The following XRCC4 variants were observed in gnomAD, a reference collection of about 807,000 sequenced individuals.
The protein encoded by XRCC4 is X-ray repair cross complementing 4.
Under a neutral mutation model 39.1 loss-of-function variants are expected in XRCC4, and 28 were observed. The observed-to-expected ratio is 0.72, with a 90% CI of 0.53 to 0.98. XRCC4 has a LOEUF of 0.98. XRCC4 is among the 50% of genes least tolerant of loss of function. The probability of loss-of-function intolerance (pLI) is 0.00; values close to 1 mark genes in which losing one functional copy is unlikely to be tolerated. For synonymous variants in XRCC4, 123 were observed against 126.4 expected (o/e 0.97, Z 0.18); for missense variants, 350 against 376.4 (o/e 0.93, Z 0.58).
chr5:83,195,981 T>C lies in XRCC4; in HGVS notation c.482+45T>C, dbSNP rs777107926. On this transcript the variant is annotated intron_variant, in intron 4 of 7. Transcript: ENST00000396027. ...GTGGTATAAAAATACGGAGCCCTCT[T>C]TATGTTGTTATAGCTTTAAGTTAAT... 6.0e-6 allele frequency: 9 copies of C among 1,509,782 alleles called. No individual in the cohort carries two copies. The Admixed American group carries it at 1.0e-4, about 17-fold the overall frequency. 93.5% of individuals were successfully genotyped at this position (1,509,782 alleles called of 1,614,324 possible).
chr5:83,146,375 G>A lies in XRCC4; in HGVS notation c.315+35172G>A, dbSNP rs1427480541. On this transcript the variant is annotated intron_variant, in intron 3 of 7. Transcript: ENST00000396027. ...AAGTAATAAGCCCAGGTCATGCATT[G>A]GCAAATGGACAGTTTGTATGATCTC... is the stretch of plus-strand genomic sequence containing the variant. Among the ~76,000 whole-genome samples the A allele has an allele frequency of 2.0e-5, 3 of 152,124 alleles. No individual in the cohort carries two copies. In the East Asian group the frequency reaches 5.8e-4, roughly 29 times the overall value.
chr5:83,237,891 A>G (rs1323429304), intron 6 of XRCC4, among the ~76,000 whole-genome samples: 1 of 152,144 alleles, frequency 6.6e-6, no homozygotes, highest in East Asian at 1.9e-4. Context: ...ATAATTTTTA[A>G]ACTACCTATA....
chr5:83,222,883 G>A (rs545633999), intron 6 of XRCC4, among the ~76,000 whole-genome samples: 1 of 152,140 alleles, frequency 6.6e-6, no homozygotes, highest in Non-Finnish European at 1.5e-5. Flanking sequence ...AAGTAGCTGG[G>A]ACTATAGGTG....
At chr5:83,294,722 A>T (rs184497397) in intron 7 of XRCC4, among the ~76,000 whole-genome samples, 75 of 152,216 alleles carry the variant, frequency 4.9e-4, no homozygotes, top group Non-Finnish European at 9.1e-4. Context: ...TGTATCAAAA[A>T]TAAAACATAT....
At chr5:83,182,709 G>A (rs888925965) in intron 3 of XRCC4, among the ~76,000 whole-genome samples, 1 of 152,056 alleles carries the variant, frequency 6.6e-6, no homozygotes, top group Non-Finnish European at 1.5e-5. Context: ...GAGGTGATTC[G>A]GTACTGAGGG....
At chr5:83,330,692 A>G (rs1001633698) in intron 7 of XRCC4, among the ~76,000 whole-genome samples, 2 of 152,050 alleles carry the variant, frequency 1.3e-5, no homozygotes, top group African/African-American at 4.8e-5. Flanking sequence ...ATTATGCCCT[A>G]TAACATGTAT....
the XRCC4 span, among the ~76,000 whole-genome samples, chr5:83,358,896 G>A: frequency 5.4e-4 from 82 of 152,292 alleles, no homozygotes; most frequent in Non-Finnish European, 1.1e-3. Context: ...CAGGAAAGGC[G>A]GAGAAGCGAC....
In XRCC4 at chr5:83,152,185, G is replaced by C. The variant is rs1038531264; in HGVS notation, c.315+40982G>C. On this transcript the variant is annotated intron_variant, in intron 3 of 7. Transcript: ENST00000396027. ...AAATGTTAATTCCATTGTTGTTAATGATAGTTTAATATTGATGTCTGATTA... is the reference window on the plus strand; with the variant it reads ...AAATGTTAATTCCATTGTTGTTAATCATAGTTTAATATTGATGTCTGATTA... Among the ~76,000 whole-genome samples the C allele has an allele frequency of 2.6e-5, 4 of 152,200 alleles. No individual in the cohort carries two copies. In the East Asian group the frequency reaches 5.8e-4, roughly 22 times the overall value.
At chr5:83,356,110 A>C (rs908912509), downstream of XRCC4, among the ~76,000 whole-genome samples, 2 of 152,142 alleles carry the variant, frequency 1.3e-5, no homozygotes, top group Non-Finnish European at 2.9e-5. Context: ...AAATATATGA[A>C]ATTTAAATAT....
chr5:83,167,518 G>A (rs1345589315), intron 3 of XRCC4, among the ~76,000 whole-genome samples: 1 of 152,216 alleles, frequency 6.6e-6, no homozygotes, highest in African/African-American at 2.4e-5. Flanking sequence ...CAGGGCATGA[G>A]TTATGCTGCA....
At chr5:83,116,621 T>TGG (rs1746728741) in intron 3 of XRCC4, among the ~76,000 whole-genome samples, 1 of 126,260 alleles carries the variant, frequency 7.9e-6, no homozygotes, top group South Asian at 2.6e-4. Flanking sequence ...TTTTTTTTTT[T>TGG]TTTTTTTTTT....
At chr5:83,242,791 TAAC>T (rs1211440996) in intron 6 of XRCC4, among the ~76,000 whole-genome samples, 1 of 152,172 alleles carries the variant, frequency 6.6e-6, no homozygotes, top group African/African-American at 2.4e-5. Context: ...AGCACTTGTA[TAAC>T]AACTAATGTG....
At chr5:83,243,994 C>A (rs961332373) in intron 6 of XRCC4, among the ~76,000 whole-genome samples, 1 of 152,020 alleles carries the variant, frequency 6.6e-6, no homozygotes, top group African/African-American at 2.4e-5. Context: ...GGAGATGTGG[C>A]AGATGAAGGC....
At chr5:83,146,982 T>G (rs1254251109) in intron 3 of XRCC4, among the ~76,000 whole-genome samples, 1 of 152,234 alleles carries the variant, frequency 6.6e-6, no homozygotes, top group African/African-American at 2.4e-5. Context: ...AAGCAGTTAA[T>G]CATACTGAAT....
At position 83,169,041 on chromosome 5, in the gene XRCC4, G is replaced by A. The variant is rs550548022; in HGVS notation, c.316-26729G>A. Among the ~76,000 whole-genome samples, 14 of 152,222 alleles carry A rather than the reference G, an allele frequency of 9.2e-5. 1 individual carries two copies. The South Asian group carries it at 2.9e-3, about 32-fold the overall frequency. ...AGGGCCTGGAGGGATGAATTCAAGG[G>A]AGCTGTGGGTGGGGTTAAGTGGGTG... On this transcript the variant is annotated intron_variant, in intron 3 of 7. Transcript: ENST00000396027.
intron 3 of XRCC4, among the ~76,000 whole-genome samples, chr5:83,184,080 T>G (rs192616740): frequency 6.6e-6 from 1 of 152,176 alleles, no homozygotes; most frequent in East Asian, 1.9e-4. Flanking sequence ...TTAATAAATA[T>G]TTTTGAATGA....
the XRCC4 span, among the ~76,000 whole-genome samples, chr5:83,368,453 T>G: frequency 6.6e-6 from 1 of 152,124 alleles, no homozygotes. Flanking sequence ...ATGAGTGTGG[T>G]GTGATGCCCA....
At chr5:83,310,931 C>T in intron 7 of XRCC4, 1 of 439,672 alleles carries the variant, frequency 2.3e-6, no homozygotes, top group Non-Finnish European at 4.6e-6. Flanking sequence ...AGTGGAAAAG[C>T]CAAGGAAACT....
At chr5:83,135,266 A>G (rs2386238) in intron 3 of XRCC4, among the ~76,000 whole-genome samples, 73,581 of 151,940 alleles carry the variant, frequency 0.48, 18,782 homozygotes, top group African/African-American at 0.63. Context: ...TGGTACCTCC[A>G]TTGGAAATGC....
Sources: gnomAD v4.1 joint callset for allele counts (sites outside exome capture counted in the v4.1 genomes callset) on GRCh38, gnomAD v4.1.1 for gene constraint, MANE v1.5 for transcripts, NCBI Gene and HGNC (gene_info 2026-07-23, HGNC 2026-07-21) for gene names.